The following CSMD3 variants were observed in gnomAD, a reference collection of about 807,000 sequenced individuals.
The protein encoded by CSMD3 is CUB and Sushi multiple domains 3.
CSMD3 carries 177 observed loss-of-function variants against 435.2 expected under a neutral mutation model. The ratio of observed to expected loss-of-function variants is 0.41; its 90% confidence interval spans 0.36 to 0.46. CSMD3 has a LOEUF of 0.46. Among genes scored for constraint, CSMD3 ranks in the 20% least tolerant of loss-of-function variants. The probability of loss-of-function intolerance (pLI) is 0.34; values close to 1 mark genes in which losing one functional copy is unlikely to be tolerated. For synonymous variants in CSMD3, 1,656 were observed against 1,520.5 expected (o/e 1.09, Z -2.07); for missense variants, 4,265 against 4,504.6 (o/e 0.95, Z 1.52).
rs1215451792 is a variant in CSMD3, at chr8:113,374,818, T to TAAAA, written c.179-60029_179-60026dup. Among the ~76,000 whole-genome samples the TAAAA allele has an allele frequency of 3.0e-3, 83 of 28,072 alleles. 4 individuals carry two copies. Among genetic ancestry groups the TAAAA allele is most frequent in the East Asian group, 7.1e-3 (7 of 982 alleles). The allele number at this position is 28,072 out of a possible 152,430, so 18.4% of individuals were successfully genotyped here. A position where few individuals can be genotyped will look rare whatever the true frequency, so the allele number is the denominator to read the frequency against. ...CCATATGCACCTTGTTGTTAAAAAG[T>TAAAA]AAAAAAAAAAAAAAAAAAAAAAAAA... On this transcript the variant is annotated intron_variant, in intron 1 of 70. Coordinates refer to ENST00000297405, the MANE Select transcript of CSMD3 (RefSeq NM_198123.2).
intron 47 of CSMD3, among the ~76,000 whole-genome samples, chr8:112,317,341 A>C (rs1199353555): frequency 6.6e-6 from 1 of 152,042 alleles, no homozygotes; most frequent in Non-Finnish European, 1.5e-5. Context: ...ATTGGGATTC[A>C]GATATAAAAA....
chr8:113,322,129 TATG>T (rs1353171725), intron 1 of CSMD3, among the ~76,000 whole-genome samples: 1 of 152,180 alleles, frequency 6.6e-6, no homozygotes, highest in Non-Finnish European at 1.5e-5. Context: ...TACAACTCTT[TATG>T]ATGCCTTCAT....
In CSMD3 at chr8:112,546,108, G is replaced by A. The variant is rs150001174; in HGVS notation, c.4564+4563C>T. 5.6e-4 allele frequency among the ~76,000 whole-genome samples: 86 copies of A among 152,316 alleles called. 1 individual carries two copies. The East Asian group carries it at 0.013, about 24-fold the overall frequency. On this transcript the variant is annotated intron_variant, in intron 27 of 70. Coordinates refer to ENST00000297405, the MANE Select transcript of CSMD3 (RefSeq NM_198123.2). ...AGTTTGCAAAGCAGTAGAAACGTGCGACGATATTGTCCTTTCAGGACAATT... is the reference window on the plus strand; with the variant it reads ...AGTTTGCAAAGCAGTAGAAACGTGCAACGATATTGTCCTTTCAGGACAATT...
intron 1 of CSMD3, among the ~76,000 whole-genome samples, chr8:113,345,869 C>T (rs531900462): frequency 6.6e-6 from 1 of 152,128 alleles, no homozygotes; most frequent in East Asian, 2.0e-4. Context: ...AATTCACACA[C>T]CCCGGCTCCA....
chr8:112,233,687 C>T (rs1197057140), intron 68 of CSMD3, among the ~76,000 whole-genome samples: 1 of 152,028 alleles, frequency 6.6e-6, no homozygotes, highest in Admixed American at 6.5e-5. Flanking sequence ...GAAAAAAAGG[C>T]TTGGTACTTG....
chr8:113,304,914 TAAAAAA>T (rs71281210), intron 2 of CSMD3, among the ~76,000 whole-genome samples: 32 of 119,790 alleles, frequency 2.7e-4, no homozygotes, highest in Admixed American at 5.9e-4. Context: ...TAAAGTATAA[TAAAAAA>T]AAAAAAAAAA....
intron 18 of CSMD3, among the ~76,000 whole-genome samples, chr8:112,655,539 A>T (rs1317800404): frequency 6.6e-6 from 1 of 152,014 alleles, no homozygotes; most frequent in Non-Finnish European, 1.5e-5. Flanking sequence ...TCAAAAATCA[A>T]AATATTTTAG....
chr8:113,300,821 T>C (rs1204564801), intron 2 of CSMD3, among the ~76,000 whole-genome samples: 3 of 152,096 alleles, frequency 2.0e-5, no homozygotes, highest in Non-Finnish European at 4.4e-5. Context: ...CCTGCACATA[T>C]ATCCTCTGAA....
chr8:112,746,971 ACCT>A (rs1013359136), intron 13 of CSMD3, among the ~76,000 whole-genome samples: 7 of 151,864 alleles, frequency 4.6e-5, no homozygotes, highest in Admixed American at 3.3e-4. Flanking sequence ...TTTTTACTTG[ACCT>A]CCTCATTTCC....
chr8:113,081,659 C>A (rs1420323124), intron 5 of CSMD3, among the ~76,000 whole-genome samples: 1 of 152,108 alleles, frequency 6.6e-6, no homozygotes, highest in Admixed American at 6.5e-5. Context: ...GCCACCATCA[C>A]ACTACATCTT....
At chr8:113,120,451 A>C (rs999315214) in intron 4 of CSMD3, among the ~76,000 whole-genome samples, 2 of 152,164 alleles carry the variant, frequency 1.3e-5, no homozygotes, top group African/African-American at 4.8e-5. Flanking sequence ...TACATACATA[A>C]ATATTTTAAA....
intron 8 of CSMD3, among the ~76,000 whole-genome samples, chr8:112,948,487 G>A (rs1328961377): frequency 2.0e-5 from 3 of 151,870 alleles, no homozygotes; most frequent in African/African-American, 7.3e-5. Flanking sequence ...GATTTATTTA[G>A]CTTTTGTGCA....
intron 37 of CSMD3, among the ~76,000 whole-genome samples, chr8:112,382,404 A>G (rs1160717381): frequency 1.3e-5 from 2 of 152,020 alleles, no homozygotes; most frequent in African/African-American, 4.8e-5. Context: ...ATCTAAATCT[A>G]TATTGTTCAT....
At position 112,244,423 on chromosome 8, in the gene CSMD3, G is replaced by T. The variant is rs776572675; in HGVS notation, c.10373C>A (p.Thr3458Asn). The T allele has an allele frequency of 6.2e-7, 1 of 1,602,808 alleles. No homozygotes were observed. The highest frequency in any genetic ancestry group is 8.5e-7 in the Non-Finnish European group (1 of 1,174,412). ...TEHRVCRSDNTWTGKVPICEA... is the reference protein window; with the variant it reads ...TEHRVCRSDNNWTGKVPICEA... The stretch of plus-strand genomic sequence containing the variant: ...ACAAATGGGAACTTTTCCAGTCCAG[G>T]TGTTATCGGATCTACACACTCTATG... Residue 3458 changes from threonine (T) to asparagine (N), a missense_variant, in exon 65 of 71, where the codon ACC becomes AAC. This residue lies in a region of CSMD3 where 3,255 missense variants were observed against 3,380.2 expected (regional missense o/e 0.96). Coordinates refer to ENST00000297405, the MANE Select transcript of CSMD3 (RefSeq NM_198123.2).
intron 1 of CSMD3, among the ~76,000 whole-genome samples, chr8:113,327,803 A>AT (rs1242973361): frequency 6.6e-6 from 1 of 152,072 alleles, no homozygotes; most frequent in African/African-American, 2.4e-5. Flanking sequence ...ATTGTTTAAC[A>AT]TTGCAACTGC....
chr8:112,414,400 C>T (rs111440735), intron 32 of CSMD3, among the ~76,000 whole-genome samples: 5 of 152,278 alleles, frequency 3.3e-5, no homozygotes, highest in African/African-American at 1.2e-4. Context: ...ACCCTGTGTC[C>T]TGCTGCCACA....
intron 13 of CSMD3, among the ~76,000 whole-genome samples, chr8:112,690,595 C>G (rs893748419): frequency 3.7e-4 from 55 of 150,412 alleles, no homozygotes; most frequent in Non-Finnish European, 6.2e-4. Context: ...AGACCCCCCC[C>G]CCCAACAAAA....
intron 10 of CSMD3, among the ~76,000 whole-genome samples, chr8:112,889,536 C>T (rs780214477): frequency 1.1e-4 from 17 of 151,532 alleles, no homozygotes; most frequent in African/African-American, 2.4e-4. Flanking sequence ...CCAGGCAGCA[C>T]CTATGGAAAT....
At position 112,571,906 on chromosome 8, in the gene CSMD3, A is replaced by C. The variant is rs187951904; in HGVS notation, c.4042+1595T>G. On this transcript the variant is annotated intron_variant, in intron 24 of 70. Transcript: ENST00000297405. Reference sequence around the variant, plus strand: ...AAAAAAAGAAAGAAAGAAAGAAAGAAAATAAAAGAAATGCAACATGATGCA... The same window carrying C: ...AAAAAAAGAAAGAAAGAAAGAAAGACAATAAAAGAAATGCAACATGATGCA... 3.4e-3 allele frequency among the ~76,000 whole-genome samples: 513 copies of C among 151,806 alleles called. 2 individuals are homozygous for C. Among genetic ancestry groups the C allele is most frequent in the African/African-American group, 0.012 (492 of 41,458 alleles).
Sources: allele counts gnomAD v4.1 joint callset (sites outside exome capture counted in the v4.1 genomes callset), GRCh38; gene constraint gnomAD v4.1.1; regional missense constraint gnomAD v4.1.1; transcripts MANE v1.5; gene names NCBI Gene and HGNC (gene_info 2026-07-23, HGNC 2026-07-21).